Variants in WNK3 observed in about 807,000 individuals in gnomAD.
The protein encoded by WNK3 is serine/threonine-protein kinase WNK3.
A neutral mutation model predicts 116.7 loss-of-function variants in WNK3; 18 were observed. The observed-to-expected ratio is 0.15, with a 90% confidence interval of 0.11 to 0.23. WNK3 has a LOEUF of 0.23. Ranked by LOEUF, WNK3 falls within the 10% of genes least tolerant of loss-of-function variation. The pLI is 1.00. For synonymous variants in WNK3, 404 were observed against 469.4 expected (o/e 0.86, Z 1.80); for missense variants, 993 against 1,323.8 (o/e 0.75, Z 3.88).
chrX:54,325,279 A>G (rs782452975), intron 2 of WNK3, among the ~76,000 whole-genome samples: 4 of 111,609 alleles, frequency 3.6e-5, no homozygotes, highest in Non-Finnish European at 7.5e-5. Flanking sequence ...GTACACAATC[A>G]CATATCTGAC....
intron 19 of WNK3, 76 bp downstream of exon 19, chrX:54,238,266 C>T: frequency 9.1e-7 from 1 of 1,102,514 alleles, no homozygotes; most frequent in Non-Finnish European, 1.2e-6. Context: ...GAAGTATCAT[C>T]TACAGACCAA....
chrX:54,329,920 A>G (rs1221777007), intron 2 of WNK3, among the ~76,000 whole-genome samples: 1 of 111,832 alleles, frequency 8.9e-6, no homozygotes, highest in Non-Finnish European at 1.9e-5. Flanking sequence ...CATCATAGCC[A>G]TGGTTATAAT....
intron 11 of WNK3, among the ~76,000 whole-genome samples, chrX:54,256,446 A>G (rs2068193837): frequency 8.9e-6 from 1 of 112,229 alleles, no homozygotes; most frequent in Non-Finnish European, 1.9e-5. Context: ...GCTCAACATT[A>G]TTAATTCTAA....
At chrX:54,228,685 AAAAGT>A in intron 22 of WNK3, 24 bp downstream of exon 22, 1 of 468,771 alleles carries the variant, frequency 2.1e-6, no homozygotes, top group Non-Finnish European at 3.8e-6. Flanking sequence ...TAAAAAAATT[AAAAGT>A]AAAGAAGCAA....
chrX:54,232,117 A>G (rs782153669), intron 21 of WNK3, among the ~76,000 whole-genome samples: 200 of 102,944 alleles, frequency 1.9e-3, no homozygotes, highest in African/African-American at 6.8e-3. Context: ...GTGTGTGTAT[A>G]TATATATATA....
chrX:54,315,293 A>C (rs1603396532), intron 2 of WNK3, among the ~76,000 whole-genome samples: 1 of 94,444 alleles, frequency 1.1e-5, no homozygotes, highest in Non-Finnish European at 2.1e-5. Flanking sequence ...ACAGAGGGAG[A>C]CCTTGTCTCA....
intron 1 of WNK3, among the ~76,000 whole-genome samples, chrX:54,346,319 C>G (rs1182983726): frequency 2.1e-5 from 2 of 96,912 alleles, no homozygotes; most frequent in Non-Finnish European, 4.0e-5. Context: ...CAGGCTCGGT[C>G]GGCCGGGAGT....
chrX:54,333,805 A>G lies in WNK3; in HGVS notation c.-119-13T>C, dbSNP rs1422473690. ...TTTCCATAGCAACCTGAAGGGGGGGAAAAAGATATTTTAAAATCACCCTAC... is the reference window on the plus strand; with the variant it reads ...TTTCCATAGCAACCTGAAGGGGGGGGAAAAGATATTTTAAAATCACCCTAC... On this transcript the variant is annotated splice_polypyrimidine_tract_variant and intron_variant, in intron 1 of 23. Transcript: ENST00000354646. 2.2e-5 allele frequency: 10 copies of G among 456,908 alleles called. No individual in the cohort carries two copies. In the Admixed American group the frequency reaches 2.5e-4, roughly 12 times the overall value. The allele number at this position is 456,908 out of a possible 1,213,427, so 37.7% of individuals were successfully genotyped here. A position where few individuals can be genotyped will look rare whatever the true frequency, so the allele number is the denominator to read the frequency against.
intron 1 of WNK3, among the ~76,000 whole-genome samples, chrX:54,335,091 G>A (rs2069217528): frequency 9.1e-6 from 1 of 110,100 alleles, no homozygotes; most frequent in Admixed American, 9.9e-5. Flanking sequence ...GTGAAACCCT[G>A]ACTCTACTAA....
chrX:54,201,934 T>A, intron 23 of WNK3, 57 bp downstream of exon 23: 1 of 1,073,140 alleles, frequency 9.3e-7, no homozygotes, highest in Non-Finnish European at 1.3e-6. Flanking sequence ...CCTAAGCGCA[T>A]CAATTTTTAT....
chrX:54,312,687 C>G (rs1000149406), intron 2 of WNK3, among the ~76,000 whole-genome samples: 1 of 111,024 alleles, frequency 9.0e-6, no homozygotes, highest in Non-Finnish European at 1.9e-5. Flanking sequence ...ATCCACTTGC[C>G]TCGGCCTCCT....
At chrX:54,308,761 G>C (rs782364506) in intron 4 of WNK3, among the ~76,000 whole-genome samples, 1 of 111,390 alleles carries the variant, frequency 9.0e-6, no homozygotes, top group South Asian at 3.8e-4. Context: ...TCTGAAAAAA[G>C]CCAATATATA....
chrX:54,221,314 AT>A (rs1428937786), intron 22 of WNK3, among the ~76,000 whole-genome samples: 1 of 112,221 alleles, frequency 8.9e-6, no homozygotes, highest in Non-Finnish European at 1.9e-5. Flanking sequence ...AATATTCAGT[AT>A]AAATGTACTT....
exon 24 of WNK3, chrX:54,195,095 C>T (rs1185639317): frequency 2.7e-5 from 3 of 112,031 alleles, no homozygotes; most frequent in Admixed American, 9.5e-5. Flanking sequence ...ATTAGATTTA[C>T]ACCAATACTG....
intron 13 of WNK3, 119 bp downstream of exon 13, chrX:54,253,840 C>A (rs909745927): frequency 3.9e-6 from 2 of 506,470 alleles, no homozygotes; most frequent in Middle Eastern, 7.6e-4. Context: ...TACCTCTGTA[C>A]AAAATTTTAA....
intron 5 of WNK3, among the ~76,000 whole-genome samples, chrX:54,306,895 A>G (rs1469460721): frequency 9.0e-6 from 1 of 111,084 alleles, no homozygotes; most frequent in Non-Finnish European, 1.9e-5. Flanking sequence ...ATCACATGGT[A>G]CCCCTTAAAT....
rs2068317537 is a variant in WNK3 at position 54,266,870 on chromosome X, G to C, written c.2038-7532C>G. ...TAAGCTCCGCATGCATTAGGTATTT[G>C]TCCTAATGCTCTCCCTCCCCTTTCC... is the stretch of plus-strand genomic sequence containing the variant. On this transcript the variant is annotated intron_variant, in intron 10 of 23. Transcript: ENST00000354646. 1.8e-5 allele frequency among the ~76,000 whole-genome samples: 2 copies of C among 110,452 alleles called. 1 individual carries two copies. The highest frequency in any genetic ancestry group is 7.9e-4 in the South Asian group (2 of 2,546).
chrX:54,220,810 C>G (rs782636715), intron 22 of WNK3, among the ~76,000 whole-genome samples: 10 of 110,556 alleles, frequency 9.0e-5, no homozygotes, highest in Non-Finnish European at 1.9e-4. Context: ...AAATAGCTAG[C>G]TATTTTAGAG....
At chrX:54,250,100 A>T in exon 16 of WNK3, 1 of 1,200,078 alleles carries the variant, frequency 8.3e-7, no homozygotes, top group Admixed American at 2.3e-5. Flanking sequence ...ATCGCCACCG[A>T]CCAACTGGGG....
Sources: gnomAD v4.1 joint callset for allele counts (sites outside exome capture counted in the v4.1 genomes callset) on GRCh38, gnomAD v4.1.1 for gene constraint, MANE v1.5 for transcripts, NCBI Gene and HGNC (gene_info 2026-07-23, HGNC 2026-07-21) for gene names.